FIGN: variants seen among roughly 807,000 people sequenced by gnomAD.
FIGN encodes the protein fidgetin, microtubule severing factor.
Under a neutral mutation model 51.3 loss-of-function variants are expected in FIGN, and 11 were observed. The ratio of observed to expected loss-of-function variants is 0.21; its 90% CI spans 0.13 to 0.35. The LOEUF (loss-of-function observed/expected upper bound fraction) is 0.35, where lower values mean the gene tolerates loss of function less well. Among genes scored for constraint, FIGN ranks in the 10% least tolerant of loss-of-function variants. FIGN has a pLI of 1.00. For synonymous variants in FIGN, 407 were observed against 363.2 expected, an observed-to-expected ratio of 1.12 and a Z score of -1.37; for missense variants, 857 against 943.6, an observed-to-expected ratio of 0.91 and a Z score of 1.20.
intron 2 of FIGN, among the ~76,000 whole-genome samples, chr2:163,691,609 T>C (rs1684240708): frequency 2.6e-5 from 4 of 152,152 alleles, no homozygotes; most frequent in African/African-American, 9.6e-5. Context: ...CACCAGTAAG[T>C]CAGAGAGTGG....
At chr2:163,642,901 GA>G (rs945112070) in intron 2 of FIGN, among the ~76,000 whole-genome samples, 17 of 152,012 alleles carry the variant, frequency 1.1e-4, no homozygotes, top group Non-Finnish European at 2.2e-4. Context: ...AAAATAAATG[GA>G]AAAAATATCT....
At chr2:163,717,876 T>C (rs987020426) in intron 2 of FIGN, among the ~76,000 whole-genome samples, 1 of 152,202 alleles carries the variant, frequency 6.6e-6, no homozygotes, top group African/African-American at 2.4e-5. Context: ...AGCTGTAACC[T>C]TTCTTGAAAT....
chr2:163,647,999 C>T (rs1374412811), intron 2 of FIGN, among the ~76,000 whole-genome samples: 1 of 151,948 alleles, frequency 6.6e-6, no homozygotes, highest in East Asian at 1.9e-4. Context: ...CTGAGAGAGA[C>T]AAAGACAGAC....
At chr2:163,634,547 G>A (rs1381778680) in intron 2 of FIGN, among the ~76,000 whole-genome samples, 3 of 152,000 alleles carry the variant, frequency 2.0e-5, no homozygotes, top group African/African-American at 7.2e-5. Context: ...CCCTGAGGTC[G>A]CTTATCTTTT....
intron 2 of FIGN, among the ~76,000 whole-genome samples, chr2:163,632,864 T>C (rs890249368): frequency 3.3e-5 from 5 of 152,180 alleles, no homozygotes; most frequent in African/African-American, 1.2e-4. Context: ...TTCCTAATCC[T>C]GACAATAACT....
chr2:163,625,180 A>G (rs1683035602), intron 2 of FIGN, among the ~76,000 whole-genome samples: 1 of 151,992 alleles, frequency 6.6e-6, no homozygotes. Context: ...TTTCTTCATC[A>G]GTATTCCTAT....
chr2:163,692,775 ACT>A (rs1490114458), intron 2 of FIGN, among the ~76,000 whole-genome samples: 2 of 152,036 alleles, frequency 1.3e-5, no homozygotes, highest in Non-Finnish European at 2.9e-5. Flanking sequence ...GAGCAAGGTG[ACT>A]CAGCCTAGTT....
chr2:163,709,989 G>A (rs1234233083), intron 2 of FIGN, among the ~76,000 whole-genome samples: 4 of 152,098 alleles, frequency 2.6e-5, no homozygotes, highest in Admixed American at 1.3e-4. Context: ...AATAAGAAAT[G>A]TTCAATTAAA....
intron 2 of FIGN, among the ~76,000 whole-genome samples, chr2:163,644,744 A>G (rs750684770): frequency 2.0e-5 from 3 of 152,236 alleles, no homozygotes; most frequent in Admixed American, 6.5e-5. Context: ...TTCAGCTTTA[A>G]AAAGGAATGA....
intron 2 of FIGN, among the ~76,000 whole-genome samples, chr2:163,679,009 A>G (rs1684016427): frequency 6.6e-6 from 1 of 152,232 alleles, no homozygotes; most frequent in Non-Finnish European, 1.5e-5. Context: ...TTATTCTTCA[A>G]AAACTAGTCT....
rs923163737 is a variant in FIGN, at chr2:163,603,488, T to C, written c.*6064A>G. The C allele has an allele frequency of 2.6e-5, 4 of 152,098 alleles. No individual in the cohort carries two copies. Among genetic ancestry groups the C allele is most frequent in the Non-Finnish European group, 5.9e-5 (4 of 67,994 alleles). The allele number at this position is 152,098 out of a possible 1,614,324, so 9.4% of individuals were successfully genotyped here. A position where few individuals can be genotyped will look rare whatever the true frequency, so the allele number is the denominator to read the frequency against. On this transcript the variant is annotated 3_prime_UTR_variant, in exon 3 of 3. Transcript: ENST00000333129. ...AAGTACTGTTGGCTGACAAGAAATA[T>C]GGCATTCCTCACCTAATACAGTAAA...
At chr2:163,722,957 C>A (rs942654155) in intron 2 of FIGN, among the ~76,000 whole-genome samples, 1 of 151,606 alleles carries the variant, frequency 6.6e-6, no homozygotes, top group Non-Finnish European at 1.5e-5. Context: ...GAGGCAGAGG[C>A]GGGCGGATCA....
rs200737057 is a variant in FIGN at position 163,639,558 on chromosome 2, G to A, written c.26-27752C>T. On this transcript the variant is annotated intron_variant, in intron 2 of 2. Transcript: ENST00000333129. Reference sequence around the variant, plus strand: ...GAGGCCAATAATCCACTCAAACCACGGTGATAGTGCCTCAGATACATTCTT... The same window carrying A: ...GAGGCCAATAATCCACTCAAACCACAGTGATAGTGCCTCAGATACATTCTT... 1.6e-4 allele frequency among the ~76,000 whole-genome samples: 24 copies of A among 152,092 alleles called. No homozygotes were observed. In the East Asian group the frequency reaches 2.9e-3, roughly 18 times the overall value.
intron 2 of FIGN, among the ~76,000 whole-genome samples, chr2:163,678,367 C>G (rs1330534166): frequency 6.6e-6 from 1 of 152,026 alleles, no homozygotes; most frequent in African/African-American, 2.4e-5. Flanking sequence ...ATTACAGGTG[C>G]CTGCCATCAC....
intron 2 of FIGN, among the ~76,000 whole-genome samples, chr2:163,719,924 C>A (rs1348124482): frequency 6.6e-6 from 1 of 152,118 alleles, no homozygotes. Context: ...ATCAAAGTTT[C>A]TAGAAGCAAC....
At chr2:163,635,460 T>C (rs2062296347) in intron 2 of FIGN, among the ~76,000 whole-genome samples, 1 of 152,140 alleles carries the variant, frequency 6.6e-6, no homozygotes, top group African/African-American at 2.4e-5. Context: ...GTCTCATTTA[T>C]TCAAGAGGCT....
At chr2:163,689,093 G>A (rs1315810763) in intron 2 of FIGN, among the ~76,000 whole-genome samples, 5 of 151,674 alleles carry the variant, frequency 3.3e-5, no homozygotes, top group East Asian at 1.9e-4. Context: ...CTAGGAGATC[G>A]AGGCTGCAGT....
Position 163,735,013 on chromosome 2 carries a change from C to G in FIGN, c.-86G>C. 1 of 1,425,162 alleles carries G rather than the reference C, an allele frequency of 7.0e-7. No homozygotes were observed. The highest frequency in any genetic ancestry group is 9.8e-7 in the Non-Finnish European group (1 of 1,019,960). 88.3% of individuals were successfully genotyped at this position (1,425,162 alleles called of 1,614,324 possible). ...GCTTTTCATTAAAGCCACTTTTCCTCTCAGCTATCAAATGTCACTGCCTTG... is the reference window on the plus strand; with the variant it reads ...GCTTTTCATTAAAGCCACTTTTCCTGTCAGCTATCAAATGTCACTGCCTTG... On this transcript the variant is annotated 5_prime_UTR_variant, in exon 2 of 3. Coordinates refer to ENST00000333129, the MANE Select transcript of FIGN (RefSeq NM_018086.4).
At chr2:163,688,029 T>C (rs888189981) in intron 2 of FIGN, among the ~76,000 whole-genome samples, 2 of 152,194 alleles carry the variant, frequency 1.3e-5, no homozygotes, top group Non-Finnish European at 2.9e-5. Context: ...AGTAAATCTC[T>C]AAGGATTTAT....
Sources: allele counts gnomAD v4.1 joint callset (sites outside exome capture counted in the v4.1 genomes callset), GRCh38; gene constraint gnomAD v4.1.1; transcripts MANE v1.5; gene names NCBI Gene and HGNC (gene_info 2026-07-23, HGNC 2026-07-21).